Variants in TMEM39A observed in about 807,000 individuals in gnomAD.
The protein encoded by TMEM39A is transmembrane protein 39A.
A neutral mutation model predicts 51.9 loss-of-function variants in TMEM39A; 19 were observed. That is an observed-to-expected ratio of 0.37 (90% CI 0.26 to 0.54). The LOEUF (loss-of-function observed/expected upper bound fraction) is 0.54, where lower values mean the gene tolerates loss of function less well. Ranked by LOEUF, TMEM39A falls within the 20% of genes least tolerant of loss-of-function variation. The pLI, the probability that TMEM39A is intolerant of heterozygous loss-of-function variation, is 0.88. For missense variants in TMEM39A, 433 were observed against 590.5 expected (o/e 0.73, Z 2.76); for synonymous variants, 197 against 220.2 (o/e 0.89, Z 0.93).
chr3:119,458,324 C>T, intron 2 of TMEM39A, 84 bp from the exon 3 acceptor site: 3 of 1,149,254 alleles, frequency 2.6e-6, no homozygotes, highest in Non-Finnish European at 3.8e-6. Context: ...TCTCCTCCAT[C>T]TACCCCTTCA....
At chr3:119,456,084 TGA>T in intron 3 of TMEM39A, among the ~76,000 whole-genome samples, 1 of 152,316 alleles carries the variant, frequency 6.6e-6, no homozygotes, top group Non-Finnish European at 1.5e-5. Flanking sequence ...AAAGAGCAAA[TGA>T]GATAATACTT....
chr3:119,430,067 A>G lies in TMEM39A; in HGVS notation c.*1914T>C, dbSNP rs1161979537. 1 of 152,122 alleles carries G rather than the reference A, an allele frequency of 6.6e-6. No individual in the cohort carries two copies. Among genetic ancestry groups the G allele is most frequent in the African/African-American group, 2.4e-5 (1 of 41,418 alleles). 9.4% of individuals were successfully genotyped at this position (152,122 alleles called of 1,614,324 possible). A position where few individuals can be genotyped will look rare whatever the true frequency, so the allele number is the denominator to read the frequency against. On this transcript the variant is annotated 3_prime_UTR_variant, in exon 9 of 9. Coordinates refer to ENST00000319172, the MANE Select transcript of TMEM39A (RefSeq NM_018266.3). The stretch of plus-strand genomic sequence containing the variant: ...TTGCTGCCAAGAGAAGCATATTTTC[A>G]AGATCCTACAGAAAGAATAGAAAGA...
Position 119,458,312 on chromosome 3 carries a change from T to C in TMEM39A, c.114-72A>G. The C allele has an allele frequency of 2.3e-6, 3 of 1,317,676 alleles. No homozygotes were observed. The South Asian group carries it at 3.8e-5, about 17-fold the overall frequency. 81.6% of individuals were successfully genotyped at this position (1,317,676 alleles called of 1,614,324 possible). A position where few individuals can be genotyped will look rare whatever the true frequency, so the allele number is the denominator to read the frequency against. ...ATCACAGAACATAAAGGGCTCCTGC[T>C]GTCTCCTCCATCTACCCCTTCACTG... On this transcript the variant is annotated intron_variant, in intron 2 of 8. Transcript: ENST00000319172.
At chr3:119,445,950 G>A (rs980062344) in intron 5 of TMEM39A, among the ~76,000 whole-genome samples, 1 of 152,130 alleles carries the variant, frequency 6.6e-6, no homozygotes, top group Non-Finnish European at 1.5e-5. Context: ...TTACCTGCAG[G>A]AAGACATTCC....
rs1308919041 is a variant in TMEM39A at position 119,429,641 on chromosome 3, AAAAAC to A, written c.*2335_*2339del. 6 of 152,202 alleles carry A rather than the reference AAAAAC, an allele frequency of 3.9e-5. No homozygotes were observed. The highest frequency in any genetic ancestry group is 2.1e-4 in the South Asian group (1 of 4,832). 9.4% of individuals were successfully genotyped at this position (152,202 alleles called of 1,614,324 possible). Reference sequence around the variant, plus strand: ...TCTCTTCCATGAACGTGGCCCCTACAAAAACAAAACAACAAAACAAACAAACAAAA... The same window carrying A: ...TCTCTTCCATGAACGTGGCCCCTACAAAAACAACAAAACAAACAAACAAAA... On this transcript the variant is annotated 3_prime_UTR_variant, in exon 9 of 9. Coordinates refer to ENST00000319172, the MANE Select transcript of TMEM39A (RefSeq NM_018266.3).
In TMEM39A at chr3:119,463,564, C is replaced by T. The variant is rs1025003099; in HGVS notation, c.-303G>A. On this transcript the variant is annotated 5_prime_UTR_variant, in exon 1 of 9. Transcript: ENST00000319172. ...TCCAGTGCCAGAGCTAAAGCTAGAG[C>T]CAGAGCCTGATACTTCAGCACCCAT... The T allele has an allele frequency of 7.5e-6, 3 of 398,748 alleles. No individual in the cohort carries two copies. The highest frequency in any genetic ancestry group is 8.8e-6 in the Non-Finnish European group (2 of 226,238). 24.7% of individuals were successfully genotyped at this position (398,748 alleles called of 1,614,324 possible).
chr3:119,459,702 G>C (rs1451281967), intron 2 of TMEM39A, among the ~76,000 whole-genome samples: 1 of 152,120 alleles, frequency 6.6e-6, no homozygotes, highest in Non-Finnish European at 1.5e-5. Context: ...TACCAAACTA[G>C]CTCCTTGACA....
chr3:119,438,626 T>C (rs774976169), intron 5 of TMEM39A, among the ~76,000 whole-genome samples: 1 of 152,200 alleles, frequency 6.6e-6, no homozygotes, highest in African/African-American at 2.4e-5. Context: ...AATACCATAA[T>C]TTACCCATTT....
intron 3 of TMEM39A, among the ~76,000 whole-genome samples, chr3:119,453,860 C>CA (rs2081230952): frequency 2.0e-5 from 3 of 152,140 alleles, no homozygotes; most frequent in Admixed American, 6.5e-5. Flanking sequence ...AACAAGCTCC[C>CA]AAACAAAAGC....
In TMEM39A at chr3:119,458,227, T is replaced by C. The variant is rs777211671; in HGVS notation, c.127A>G (p.Ile43Val). ...TGLRNRNGSA[I>V]GLPVPPITAL... ...GTGATAGGTGGGACTGGAAGGCCAATAGCACTACCATTCCTGAAAGAGAAA... is the reference window on the plus strand; with the variant it reads ...GTGATAGGTGGGACTGGAAGGCCAACAGCACTACCATTCCTGAAAGAGAAA... Residue 43 changes from isoleucine to valine, a missense_variant, in exon 3 of 9, where the codon ATT (isoleucine) becomes GTT (valine). Physicochemically the swap from Ile to Val is conservative, Grantham distance 29. Transcript: ENST00000319172. 1.2e-5 allele frequency: 19 copies of C among 1,613,852 alleles called. No individual in the cohort carries two copies. In the African/African-American group the frequency reaches 1.5e-4, roughly 12 times the overall value.
At chr3:119,439,837 G>A (rs2081026759) in intron 5 of TMEM39A, among the ~76,000 whole-genome samples, 1 of 151,806 alleles carries the variant, frequency 6.6e-6, no homozygotes, top group Admixed American at 6.6e-5. Context: ...GCGAGATTAC[G>A]GCTCACTGAA....
rs2080979529 is a variant in TMEM39A at position 119,437,052 on chromosome 3, T to C, written c.925-74A>G. On this transcript the variant is annotated intron_variant, in intron 6 of 8. Coordinates refer to ENST00000319172, the MANE Select transcript of TMEM39A (RefSeq NM_018266.3). The stretch of plus-strand genomic sequence containing the variant: ...AGGCAGGGATGGGTTGGTGTACATA[T>C]GCCCTGCAGACAAATGCCACACTGA... 3.6e-6 allele frequency: 5 copies of C among 1,403,114 alleles called. No individual in the cohort carries two copies. The South Asian group carries it at 6.7e-5, about 19-fold the overall frequency. The allele number at this position is 1,403,114 out of a possible 1,614,324, so 86.9% of individuals were successfully genotyped here.
chr3:119,452,562 G>T, intron 3 of TMEM39A, 32 bp from the exon 4 acceptor site: 1 of 1,536,580 alleles, frequency 6.5e-7, no homozygotes, highest in South Asian at 1.1e-5. Context: ...ACATCAGAAA[G>T]AAATATGATG....
intron 1 of TMEM39A, 107 bp from the exon 2 acceptor site, chr3:119,462,255 A>G (rs2081348442): frequency 3.6e-6 from 2 of 560,598 alleles, no homozygotes; most frequent in South Asian, 4.1e-5. Flanking sequence ...AGATTTTCAA[A>G]CGAATGTTCC....
At chr3:119,442,810 A>T (rs2081072666) in intron 5 of TMEM39A, among the ~76,000 whole-genome samples, 1 of 152,216 alleles carries the variant, frequency 6.6e-6, no homozygotes, top group African/African-American at 2.4e-5. Flanking sequence ...CTCTAATCCC[A>T]GCACTTTGGG....
At chr3:119,448,085 A>G (rs571440861) in intron 4 of TMEM39A, among the ~76,000 whole-genome samples, 3 of 152,366 alleles carry the variant, frequency 2.0e-5, no homozygotes, top group Non-Finnish European at 2.9e-5. Flanking sequence ...TTCAAAAAAT[A>G]ATCCGATCTT....
intron 5 of TMEM39A, among the ~76,000 whole-genome samples, chr3:119,445,203 T>C (rs1320159085): frequency 3.3e-5 from 5 of 152,152 alleles, no homozygotes; most frequent in African/African-American, 1.2e-4. Context: ...CACAGGTATG[T>C]CCACATTTAA....
chr3:119,460,172 T>G (rs2081319239), intron 2 of TMEM39A, among the ~76,000 whole-genome samples: 2 of 152,168 alleles, frequency 1.3e-5, no homozygotes, highest in Non-Finnish European at 2.9e-5. Context: ...AATACTTTTT[T>G]CTACCCACTC....
intron 5 of TMEM39A, among the ~76,000 whole-genome samples, chr3:119,441,364 C>T (rs1428915565): frequency 1.3e-5 from 2 of 151,592 alleles, no homozygotes; most frequent in African/African-American, 4.8e-5. Flanking sequence ...AAAAGTGCTA[C>T]TCCAGTGAAC....
Sources: allele counts gnomAD v4.1 joint callset (sites outside exome capture counted in the v4.1 genomes callset), GRCh38; gene constraint gnomAD v4.1.1; transcripts MANE v1.5; gene names NCBI Gene and HGNC (gene_info 2026-07-23, HGNC 2026-07-21).